ZNF540: variants seen among roughly 807,000 people sequenced by gnomAD.
ZNF540 encodes the protein CTD-3064H18.6.
ZNF540 carries 3 observed loss-of-function variants against 11.8 expected under a neutral mutation model. The ratio of observed to expected loss-of-function variants is 0.25; its 90% CI spans 0.12 to 0.65. ZNF540 has a LOEUF of 0.65. ZNF540 is among the 30% of genes least tolerant of loss of function. The pLI is 0.83. For missense variants in ZNF540, 709 were observed against 793.1 expected, an observed-to-expected ratio of 0.89 and a Z score of 1.27; for synonymous variants, 247 against 259.0, an observed-to-expected ratio of 0.95 and a Z score of 0.45.
At chr19:37,580,263 C>T (rs2043405871) in intron 1 of ZNF540, among the ~76,000 whole-genome samples, 1 of 152,228 alleles carries the variant, frequency 6.6e-6, no homozygotes, top group African/African-American at 2.4e-5. Flanking sequence ...CAGCAGACAT[C>T]AATCCTCATG....
chr19:37,612,829 C>A lies in ZNF540; in HGVS notation c.1549C>A (p.His517Asn). ...GFYLTEHQRI[H>N]TGEKPYKCKE... The stretch of plus-strand genomic sequence containing the variant: ...CTACCTTACTGAACACCAGAGAATT[C>A]ACACTGGTGAAAAGCCCTATAAATG... Residue 517 changes from histidine to asparagine, a missense_variant, in exon 5 of 5, where the codon CAC (histidine) becomes AAC (asparagine). Coordinates refer to ENST00000316433, the MANE Select transcript of ZNF540 (RefSeq NM_001172225.3). 1 of 1,614,052 alleles carries A rather than the reference C, an allele frequency of 6.2e-7. No homozygotes were observed.
Position 37,609,122 on chromosome 19 carries a change from C to T in ZNF540, c.233-2391C>T, listed in dbSNP as rs537017485. ...TTCTTTGTTCATTTTTTCCAGAAACCATTCAACATGGCACATACCTGTTAC... is the reference window on the plus strand; with the variant it reads ...TTCTTTGTTCATTTTTTCCAGAAACTATTCAACATGGCACATACCTGTTAC... On this transcript the variant is annotated intron_variant, in intron 4 of 4. Coordinates refer to ENST00000316433, the MANE Select transcript of ZNF540 (RefSeq NM_001172225.3). Among the ~76,000 whole-genome samples, 199 of 152,246 alleles carry T rather than the reference C, an allele frequency of 1.3e-3. 1 individual carries two copies. Among genetic ancestry groups the T allele is most frequent in the African/African-American group, 4.6e-3 (193 of 41,540 alleles).
At chr19:37,591,617 TCAC>T (rs2043869961), upstream of ZNF540, among the ~76,000 whole-genome samples, 1 of 152,206 alleles carries the variant, frequency 6.6e-6, no homozygotes, top group South Asian at 2.1e-4. Flanking sequence ...CAATCTCGGC[TCAC>T]CACAACCTCG....
intron 1 of ZNF540, chr19:37,565,025 A>G (rs1413134621): frequency 4.3e-6 from 7 of 1,613,206 alleles, no homozygotes; most frequent in Non-Finnish European, 5.9e-6. Context: ...CTCACCATGA[A>G]TTTTCTCATG....
At chr19:37,568,419 T>C (rs1377301262) in intron 1 of ZNF540, among the ~76,000 whole-genome samples, 1 of 151,792 alleles carries the variant, frequency 6.6e-6, no homozygotes, top group Non-Finnish European at 1.5e-5. Context: ...GTTTCTTTCA[T>C]AGAAGAACAA....
At chr19:37,584,132 A>G (rs2043576045) in intron 1 of ZNF540, 2 of 1,613,014 alleles carry the variant, frequency 1.2e-6, no homozygotes, top group Admixed American at 3.3e-5. Flanking sequence ...ATGATTCTAC[A>G]GGAATGATTC....
At chr19:37,609,307 G>A (rs1009240779) in intron 4 of ZNF540, among the ~76,000 whole-genome samples, 1 of 152,190 alleles carries the variant, frequency 6.6e-6, no homozygotes, top group Non-Finnish European at 1.5e-5. Flanking sequence ...ACTTTGGGAG[G>A]CCGAGGTGGG....
chr19:37,599,821 T>C (rs777765749), intron 3 of ZNF540, 69 bp downstream of exon 3: 5 of 1,453,896 alleles, frequency 3.4e-6, no homozygotes, highest in Admixed American at 2.4e-5. Flanking sequence ...TCCACAAATT[T>C]AGGACTAATT....
intron 1 of ZNF540, among the ~76,000 whole-genome samples, chr19:37,572,579 C>G (rs1305923061): frequency 6.6e-6 from 1 of 152,150 alleles, no homozygotes; most frequent in Non-Finnish European, 1.5e-5. Flanking sequence ...CAGGCATCCA[C>G]TGGGGGAGCC....
At chr19:37,586,832 T>G (rs1227661455) in intron 1 of ZNF540, 1 of 763,456 alleles carries the variant, frequency 1.3e-6, no homozygotes, top group African/African-American at 1.8e-5. Flanking sequence ...TTCTCCTCTT[T>G]TGGGAATTTG....
chr19:37,564,932 T>C, intron 1 of ZNF540: 1 of 1,614,040 alleles, frequency 6.2e-7, no homozygotes, highest in Non-Finnish European at 8.5e-7. Context: ...GTAGGGCTTT[T>C]CACCTGTATG....
chr19:37,601,193 GT>G, intron 4 of ZNF540, 88 bp downstream of exon 4: 4 of 1,092,732 alleles, frequency 3.7e-6, no homozygotes, highest in Non-Finnish European at 5.3e-6. Context: ...TTTGCATGCT[GT>G]TTAGGGAGTT....
chr19:37,561,201 C>T (rs1305515941), intron 1 of ZNF540, among the ~76,000 whole-genome samples: 1 of 152,066 alleles, frequency 6.6e-6, no homozygotes, highest in Non-Finnish European at 1.5e-5. Context: ...TGCCACTGCA[C>T]TCCAGCCTGG....
rs957522729 is a variant in ZNF540 at position 37,594,976 on chromosome 19, C to T, written c.-192C>T. The T allele has an allele frequency of 2.0e-5, 3 of 152,202 alleles. No individual in the cohort carries two copies. Among genetic ancestry groups the T allele is most frequent in the Non-Finnish European group, 4.4e-5 (3 of 68,066 alleles). 9.4% of individuals were successfully genotyped at this position (152,202 alleles called of 1,614,324 possible). A position where few individuals can be genotyped will look rare whatever the true frequency, so the allele number is the denominator to read the frequency against. The stretch of plus-strand genomic sequence containing the variant: ...ACTATGGTCCGAGCCTACCCTATTT[C>T]ATTATACTCAAGTAACGCCCCAGAA... On this transcript the variant is annotated 5_prime_UTR_variant, in exon 1 of 5. Coordinates refer to ENST00000316433, the MANE Select transcript of ZNF540 (RefSeq NM_001172225.3).
chr19:37,604,288 T>C (rs913785287), intron 4 of ZNF540, among the ~76,000 whole-genome samples: 4 of 139,874 alleles, frequency 2.9e-5, no homozygotes, highest in East Asian at 4.5e-4. Flanking sequence ...CTTTGGAAAA[T>C]AGCCTTACTT....
At chr19:37,564,117 C>CTGT (rs1270823296) in intron 1 of ZNF540, 1 of 152,316 alleles carries the variant, frequency 6.6e-6, no homozygotes. Flanking sequence ...AATAAAGTAT[C>CTGT]TGTTGTTCTA....
At chr19:37,564,828 G>GTT in intron 1 of ZNF540, 2 of 1,613,692 alleles carry the variant, frequency 1.2e-6, no homozygotes, top group South Asian at 1.1e-5. Flanking sequence ...TTCCCACACT[G>GTT]TTTACATTCA....
upstream of ZNF540, among the ~76,000 whole-genome samples, chr19:37,589,923 A>G (rs1259879959): frequency 6.6e-6 from 1 of 151,330 alleles, no homozygotes; most frequent in Non-Finnish European, 1.5e-5. Flanking sequence ...AACATCAAAC[A>G]CATACAAACT....
At chr19:37,578,923 T>C (rs887918706) in intron 1 of ZNF540, among the ~76,000 whole-genome samples, 9 of 152,094 alleles carry the variant, frequency 5.9e-5, no homozygotes, top group African/African-American at 2.2e-4. Context: ...CCCTAAACAG[T>C]GAAGTTCGGC....
Sources: gnomAD v4.1 joint callset for allele counts (sites outside exome capture counted in the v4.1 genomes callset) on GRCh38, gnomAD v4.1.1 for gene constraint, MANE v1.5 for transcripts, NCBI Gene and HGNC (gene_info 2026-07-23, HGNC 2026-07-21) for gene names.